BRAP: variants seen among roughly 807,000 people sequenced by gnomAD.
BRAP encodes the protein BRCA1 associated protein, also known as BRCA1-associated protein.
A neutral mutation model predicts 73.4 loss-of-function variants in BRAP; 42 were observed. The observed-to-expected ratio is 0.57, with a 90% CI of 0.45 to 0.74. BRAP has a LOEUF of 0.74. BRAP is among the 30% of genes least tolerant of loss of function. The pLI is 0.00. For synonymous variants in BRAP, 255 were observed against 267.4 expected (o/e 0.95, Z 0.45); for missense variants, 593 against 751.4 (o/e 0.79, Z 2.46).
chr12:111,685,309 T>TAACC (rs1887772252), intron 1 of BRAP, among the ~76,000 whole-genome samples: 1 of 152,202 alleles, frequency 6.6e-6, no homozygotes, highest in Admixed American at 6.5e-5. Context: ...ATGACTATGG[T>TAACC]TAGGGGGCAC....
At position 111,644,069 on chromosome 12, in the gene BRAP, A is replaced by G; in HGVS notation, c.*130T>C. On this transcript the variant is annotated 3_prime_UTR_variant, in exon 12 of 12. Transcript: ENST00000419234. The stretch of plus-strand genomic sequence containing the variant: ...ACTACATCACACACTAGCAAATGAA[A>G]GAGCCAAACAACTGTGGCTTGATCC... 7.4e-7 allele frequency: 1 copy of G among 1,350,682 alleles called. No homozygotes were observed. The allele number at this position is 1,350,682 out of a possible 1,614,324, so 83.7% of individuals were successfully genotyped here.
At chr12:111,678,790 C>T (rs914127112) in intron 4 of BRAP, among the ~76,000 whole-genome samples, 2 of 145,200 alleles carry the variant, frequency 1.4e-5, no homozygotes, top group African/African-American at 5.1e-5. Flanking sequence ...CCTTGCAAAA[C>T]CCTAAACTTC....
chr12:111,671,882 C>T (rs114817792), intron 5 of BRAP, among the ~76,000 whole-genome samples: 2,362 of 151,766 alleles, frequency 0.016, 72 homozygotes, highest in African/African-American at 0.054. Context: ...GACAGGGTTT[C>T]GTCATGTTGC....
Position 111,644,168 on chromosome 12 carries a change from A to G in BRAP, c.*31T>C. ...GCACACTCTCACAGTGTCAGGGAGAACAGTCTCAGGGATGTCTGTTGCTCT... is the reference window on the plus strand; with the variant it reads ...GCACACTCTCACAGTGTCAGGGAGAGCAGTCTCAGGGATGTCTGTTGCTCT... On this transcript the variant is annotated 3_prime_UTR_variant, in exon 12 of 12. Transcript: ENST00000419234. The G allele has an allele frequency of 6.3e-7, 1 of 1,589,490 alleles. No homozygotes were observed. Among genetic ancestry groups the G allele is most frequent in the East Asian group, 2.2e-5 (1 of 44,658 alleles).
chr12:111,684,652 TATGAGC>T (rs1297910426), intron 1 of BRAP, among the ~76,000 whole-genome samples: 1 of 152,086 alleles, frequency 6.6e-6, no homozygotes, highest in Non-Finnish European at 1.5e-5. Context: ...CTCCAGCAGA[TATGAGC>T]ATAAGTTTTT....
At chr12:111,660,276 A>T (rs1886696498) in intron 7 of BRAP, among the ~76,000 whole-genome samples, 1 of 152,112 alleles carries the variant, frequency 6.6e-6, no homozygotes, top group East Asian at 1.9e-4. Flanking sequence ...CAAAGAAAAA[A>T]GGAATAAATT....
intron 9 of BRAP, among the ~76,000 whole-genome samples, chr12:111,656,361 AC>A (rs1886533898): frequency 1.3e-5 from 2 of 152,232 alleles, no homozygotes; most frequent in African/African-American, 2.4e-5. Context: ...CCAGAGAACT[AC>A]TTGACCAAGA....
At chr12:111,679,985 A>T (rs368393656) in intron 3 of BRAP, among the ~76,000 whole-genome samples, 1 of 151,504 alleles carries the variant, frequency 6.6e-6, no homozygotes, top group Non-Finnish European at 1.5e-5. Flanking sequence ...TATACGAGAG[A>T]ATTCTGTCTT....
intron 1 of BRAP, among the ~76,000 whole-genome samples, chr12:111,684,674 G>GTT (rs200198253): frequency 7.0e-6 from 1 of 142,856 alleles, no homozygotes; most frequent in East Asian, 2.0e-4. Flanking sequence ...TTTTTTTTTT[G>GTT]TTTTTTTTTT....
intron 10 of BRAP, among the ~76,000 whole-genome samples, chr12:111,654,210 C>T (rs1209036802): frequency 6.6e-6 from 1 of 152,160 alleles, no homozygotes; most frequent in Admixed American, 6.6e-5. Context: ...TCAGAACTAG[C>T]AAAGTCAAGT....
rs1426159803 is a variant in BRAP, at chr12:111,685,804, T to G, written c.-12A>C. On this transcript the variant is annotated 5_prime_UTR_variant, in exon 1 of 12. Transcript: ENST00000419234. ...AGTGACACACTCATAGGGCAGGCGC[T>G]GGCCGGCGCGGGCCCCGGCGGGCTC... is the stretch of plus-strand genomic sequence containing the variant. 6 of 1,433,818 alleles carry G rather than the reference T, an allele frequency of 4.2e-6. No homozygotes were observed. The highest frequency in any genetic ancestry group is 4.6e-6 in the Non-Finnish European group (5 of 1,078,386). The allele number at this position is 1,433,818 out of a possible 1,614,324, so 88.8% of individuals were successfully genotyped here. A position where few individuals can be genotyped will look rare whatever the true frequency, so the allele number is the denominator to read the frequency against.
At chr12:111,648,619 G>A (rs1269822174) in intron 11 of BRAP, among the ~76,000 whole-genome samples, 1 of 140,780 alleles carries the variant, frequency 7.1e-6, no homozygotes, top group African/African-American at 2.7e-5. Context: ...TGGCGACAGA[G>A]CAAGACTCTG....
chr12:111,684,676 T>G (rs533178983), intron 1 of BRAP, among the ~76,000 whole-genome samples: 1 of 151,108 alleles, frequency 6.6e-6, no homozygotes, highest in Admixed American at 6.6e-5. Flanking sequence ...TTTTTTTTGT[T>G]TTTTTTTTTG....
chr12:111,661,701 TA>T (rs919397662), intron 6 of BRAP, among the ~76,000 whole-genome samples: 16 of 143,720 alleles, frequency 1.1e-4, no homozygotes, highest in Non-Finnish European at 2.1e-4. Flanking sequence ...AAATCTGTAG[TA>T]AAAAAAAAAG....
intron 5 of BRAP, among the ~76,000 whole-genome samples, chr12:111,667,302 G>A (rs961463324): frequency 6.6e-6 from 1 of 152,152 alleles, no homozygotes; most frequent in African/African-American, 2.4e-5. Flanking sequence ...AAAACAGTCT[G>A]AAGCTGCCTC....
chr12:111,645,722 A>G (rs1022693205), intron 11 of BRAP, among the ~76,000 whole-genome samples: 1 of 152,148 alleles, frequency 6.6e-6, no homozygotes, highest in African/African-American at 2.4e-5. Context: ...CATGCTTGGA[A>G]TCCCAGCACT....
intron 10 of BRAP, among the ~76,000 whole-genome samples, chr12:111,651,290 G>A (rs771842753): frequency 2.8e-4 from 42 of 151,884 alleles, no homozygotes; most frequent in Non-Finnish European, 3.8e-4. Context: ...CTGTAATCCC[G>A]GCATTTTGGG....
chr12:111,662,798 G>A (rs561292979), intron 6 of BRAP, among the ~76,000 whole-genome samples: 47 of 151,886 alleles, frequency 3.1e-4, no homozygotes, highest in African/African-American at 1.0e-3. Flanking sequence ...TCATCCCTTC[G>A]GTCTGTGTGG....
chr12:111,653,626 T>A (rs1886406416), intron 10 of BRAP, among the ~76,000 whole-genome samples: 2 of 151,524 alleles, frequency 1.3e-5, no homozygotes, highest in Non-Finnish European at 2.9e-5. Context: ...CACAATGAAT[T>A]TCAACCTTGA....
Sources: allele counts gnomAD v4.1 joint callset (sites outside exome capture counted in the v4.1 genomes callset), GRCh38; gene constraint gnomAD v4.1.1; transcripts MANE v1.5; gene names NCBI Gene and HGNC (gene_info 2026-07-23, HGNC 2026-07-21).